CNTN5: variants seen among roughly 807,000 people sequenced by gnomAD.
The protein encoded by CNTN5 is contactin 5.
CNTN5 carries 77 observed loss-of-function variants against 129.1 expected under a neutral mutation model. The ratio of observed to expected loss-of-function variants is 0.60; its 90% CI spans 0.50 to 0.72. The LOEUF (loss-of-function observed/expected upper bound fraction) is 0.72. CNTN5 is among the 30% of genes least tolerant of loss of function. The probability of loss-of-function intolerance (pLI) is 0.00; values close to 1 mark genes in which losing one functional copy is unlikely to be tolerated. For missense variants in CNTN5, 1,478 were observed against 1,328.8 expected (o/e 1.11, Z -1.75); for synonymous variants, 509 against 465.6 (o/e 1.09, Z -1.20).
chr11:100,248,493 C>T (rs1949895206), intron 16 of CNTN5, among the ~76,000 whole-genome samples: 1 of 152,050 alleles, frequency 6.6e-6, no homozygotes, highest in Non-Finnish European at 1.5e-5. Context: ...CAAGAGTGAG[C>T]TAGGATCATG....
intron 3 of CNTN5, among the ~76,000 whole-genome samples, chr11:99,745,571 G>A (rs1192066450): frequency 6.6e-6 from 1 of 152,056 alleles, no homozygotes; most frequent in Non-Finnish European, 1.5e-5. Flanking sequence ...ACCTTTCTCT[G>A]TTAAAAGGAT....
chr11:99,092,457 A>T (rs894555225), intron 1 of CNTN5, among the ~76,000 whole-genome samples: 1 of 152,052 alleles, frequency 6.6e-6, no homozygotes, highest in Admixed American at 6.6e-5. Flanking sequence ...ATGTTACATT[A>T]TTTTTGCATT....
intron 3 of CNTN5, among the ~76,000 whole-genome samples, chr11:99,656,070 G>T (rs1444604679): frequency 6.6e-6 from 1 of 151,984 alleles, no homozygotes; most frequent in Middle Eastern, 3.2e-3. Flanking sequence ...GTGTACATAT[G>T]TGTAAGTGTG....
chr11:99,990,036 G>A (rs758524778), intron 8 of CNTN5, among the ~76,000 whole-genome samples: 5 of 152,080 alleles, frequency 3.3e-5, no homozygotes, highest in African/African-American at 4.8e-5. Flanking sequence ...AAGTCCTGGG[G>A]TTACAGGCGT....
At chr11:100,226,351 A>AT (rs1345071957) in intron 16 of CNTN5, among the ~76,000 whole-genome samples, 1 of 152,130 alleles carries the variant, frequency 6.6e-6, no homozygotes, top group Non-Finnish European at 1.5e-5. Flanking sequence ...CAATATCACA[A>AT]TTTAGAGACT....
chr11:100,140,912 G>C (rs1420346323), intron 13 of CNTN5, among the ~76,000 whole-genome samples: 2 of 152,150 alleles, frequency 1.3e-5, no homozygotes, highest in Non-Finnish European at 2.9e-5. Context: ...GTTCTGGAAA[G>C]GGCAGTGAGA....
intron 13 of CNTN5, among the ~76,000 whole-genome samples, chr11:100,176,737 G>A (rs1297147092): frequency 6.6e-6 from 1 of 151,844 alleles, no homozygotes; most frequent in African/African-American, 2.4e-5. Flanking sequence ...TGAGGGGAAT[G>A]GAAGATGGAA....
chr11:99,288,804 T>C (rs1864049376), intron 1 of CNTN5, among the ~76,000 whole-genome samples: 1 of 151,924 alleles, frequency 6.6e-6, no homozygotes, highest in South Asian at 2.1e-4. Context: ...GAAAAATTAC[T>C]TATAATAAAT....
intron 1 of CNTN5, among the ~76,000 whole-genome samples, chr11:99,257,117 G>A (rs1173095474): frequency 6.6e-6 from 1 of 152,080 alleles, no homozygotes; most frequent in Non-Finnish European, 1.5e-5. Context: ...ACATGGTTCA[G>A]AAGAAAGGTA....
At chr11:99,077,021 C>T (rs750422646) in intron 1 of CNTN5, among the ~76,000 whole-genome samples, 1 of 152,080 alleles carries the variant, frequency 6.6e-6, no homozygotes, top group South Asian at 2.1e-4. Flanking sequence ...CTGGTAGCCC[C>T]CATGTGTAAT....
intron 15 of CNTN5, 70 bp downstream of exon 15, chr11:100,193,733 G>A: frequency 2.2e-6 from 3 of 1,377,868 alleles, no homozygotes; most frequent in Non-Finnish European, 3.0e-6. Flanking sequence ...GTAAGACCTT[G>A]CTTAGCTATG....
intron 4 of CNTN5, among the ~76,000 whole-genome samples, chr11:99,833,722 G>A (rs977610332): frequency 6.6e-6 from 1 of 152,054 alleles, no homozygotes; most frequent in African/African-American, 2.4e-5. Context: ...AGGTAGATGG[G>A]GCTTCCAGAG....
chr11:100,089,613 C>G (rs1219380607), intron 13 of CNTN5, among the ~76,000 whole-genome samples: 3 of 152,116 alleles, frequency 2.0e-5, no homozygotes, highest in Non-Finnish European at 1.5e-5. Context: ...CCTTGCAACA[C>G]TATTCACAAT....
chr11:99,422,518 T>TATATATATATATA (rs1565569181), intron 2 of CNTN5, among the ~76,000 whole-genome samples: 2 of 83,414 alleles, frequency 2.4e-5, no homozygotes, highest in African/African-American at 5.0e-5. Context: ...CTTTATATTT[T>TATATATATATATA]TATATATATA....
At chr11:99,985,894 A>G (rs778237445) in intron 8 of CNTN5, among the ~76,000 whole-genome samples, 61 of 152,058 alleles carry the variant, frequency 4.0e-4, no homozygotes, top group Non-Finnish European at 8.1e-4. Context: ...TTTACCTCCA[A>G]GCTTCCCATG....
chr11:99,957,131 A>T (rs998379407), intron 8 of CNTN5, 122 bp downstream of exon 8: 26 of 822,396 alleles, frequency 3.2e-5, no homozygotes, highest in Admixed American at 1.5e-4. Flanking sequence ...CATTTGCCAT[A>T]TTTAGACACT....
At chr11:99,911,685 G>A (rs1383688783) in intron 6 of CNTN5, among the ~76,000 whole-genome samples, 1 of 150,900 alleles carries the variant, frequency 6.6e-6, no homozygotes, top group Non-Finnish European at 1.5e-5. Flanking sequence ...TCAGGTGTTT[G>A]TGTGTGGGTA....
intron 1 of CNTN5, among the ~76,000 whole-genome samples, chr11:99,065,429 T>C (rs1202753198): frequency 6.6e-6 from 1 of 152,146 alleles, no homozygotes; most frequent in Non-Finnish European, 1.5e-5. Flanking sequence ...AGTCTTGAGA[T>C]TAGAAACAAA....
intron 13 of CNTN5, among the ~76,000 whole-genome samples, chr11:100,119,669 C>G (rs1037008772): frequency 5.9e-5 from 9 of 151,736 alleles, no homozygotes; most frequent in African/African-American, 2.2e-4. Flanking sequence ...GCTGTGAGGA[C>G]TGATTTGGGC....
Sources: gnomAD v4.1 joint callset for allele counts (sites outside exome capture counted in the v4.1 genomes callset) on GRCh38, gnomAD v4.1.1 for gene constraint, MANE v1.5 for transcripts, NCBI Gene and HGNC (gene_info 2026-07-23, HGNC 2026-07-21) for gene names.